Variants in PCDH10 observed in about 807,000 individuals in gnomAD.
The protein encoded by PCDH10 is protocadherin-10.
Under a neutral mutation model 74.4 loss-of-function variants are expected in PCDH10, and 15 were observed. The observed-to-expected ratio is 0.20, with a 90% CI of 0.13 to 0.31. The LOEUF (loss-of-function observed/expected upper bound fraction) is 0.31, where lower values mean the gene tolerates loss of function less well. Among genes scored for constraint, PCDH10 ranks in the 10% least tolerant of loss-of-function variants. The pLI, the probability that PCDH10 is intolerant of heterozygous loss-of-function variation, is 1.00. For synonymous variants in PCDH10, 619 were observed against 589.8 expected, an observed-to-expected ratio of 1.05 and a Z score of -0.72; for missense variants, 1,260 against 1,390.2, an observed-to-expected ratio of 0.91 and a Z score of 1.49.
intron 4 of PCDH10, among the ~76,000 whole-genome samples, chr4:133,165,223 T>A (rs1727053601): frequency 6.6e-6 from 1 of 151,152 alleles, no homozygotes; most frequent in Non-Finnish European, 1.5e-5. Context: ...GTGGAAAATT[T>A]GCAGAAGAAT....
intron 2 of PCDH10, among the ~76,000 whole-genome samples, chr4:133,205,259 G>A (rs1307870616): frequency 6.6e-6 from 1 of 152,146 alleles, no homozygotes; most frequent in Non-Finnish European, 1.5e-5. Flanking sequence ...GCATGAAAAA[G>A]ACCAAAACTC....
intron 4 of PCDH10, among the ~76,000 whole-genome samples, chr4:133,182,671 T>A (rs925557865): frequency 1.3e-5 from 2 of 152,106 alleles, no homozygotes; most frequent in Non-Finnish European, 2.9e-5. Context: ...ATTTCCTAAA[T>A]GTACACCAGC....
In PCDH10 at chr4:133,191,215, T is replaced by C. The variant is rs1286033368; in HGVS notation, c.*1055T>C. On this transcript the variant is annotated 3_prime_UTR_variant, in exon 5 of 5. Transcript: ENST00000264360. ...ACATTTTGTGGTGTAAAATATGTAA[T>C]TGAAGATTACTATTTTAAGAAGTCA... 6.6e-6 allele frequency: 1 copy of C among 152,334 alleles called. No homozygotes were observed. Among genetic ancestry groups the C allele is most frequent in the Non-Finnish European group, 1.5e-5 (1 of 67,894 alleles). 9.4% of individuals were successfully genotyped at this position (152,334 alleles called of 1,614,324 possible). A position where few individuals can be genotyped will look rare whatever the true frequency, so the allele number is the denominator to read the frequency against.
chr4:133,190,163 A>C lies in PCDH10; in HGVS notation c.*3A>C. 2 of 1,611,772 alleles carry C rather than the reference A, an allele frequency of 1.2e-6. No individual in the cohort carries two copies. The highest frequency in any genetic ancestry group is 2.2e-5 in the South Asian group (2 of 91,038). On this transcript the variant is annotated 3_prime_UTR_variant, in exon 5 of 5. Coordinates refer to ENST00000264360, the MANE Select transcript of PCDH10 (RefSeq NM_032961.3). ...CAGCACGGAAAAGGATATGCTAGTC[A>C]ATTCTACAGGACTTACCTGAAGCAG...
chr4:133,162,341 C>A (rs1726986415), intron 3 of PCDH10, among the ~76,000 whole-genome samples: 1 of 152,100 alleles, frequency 6.6e-6, no homozygotes, highest in Non-Finnish European at 1.5e-5. Flanking sequence ...TTGAGGAATA[C>A]CTTTAGGAAG....
At chr4:133,195,726 A>T (rs903944903), downstream of PCDH10, among the ~76,000 whole-genome samples, 4 of 152,118 alleles carry the variant, frequency 2.6e-5, no homozygotes, top group Non-Finnish European at 5.9e-5. Context: ...CCTAGATTAT[A>T]ACATAAAAAA....
At chr4:133,207,226 T>C (rs546303250) in intron 2 of PCDH10, among the ~76,000 whole-genome samples, 15 of 152,042 alleles carry the variant, frequency 9.9e-5, no homozygotes, top group Non-Finnish European at 1.9e-4. Flanking sequence ...TATATTATAT[T>C]ATAATATAAA....
At chr4:133,166,608 C>T (rs17020496) in intron 4 of PCDH10, among the ~76,000 whole-genome samples, 29,795 of 151,258 alleles carry the variant, frequency 0.2, 3,309 homozygotes, top group Admixed American at 0.31. Context: ...GAAAACCCTA[C>T]TAGTTAAAAC....
chr4:133,162,795 C>T (rs1052384871), intron 3 of PCDH10, among the ~76,000 whole-genome samples, 182 bp from the exon 4 acceptor site: 3 of 152,106 alleles, frequency 2.0e-5, no homozygotes, highest in African/African-American at 4.8e-5. Context: ...ATCATTTTCC[C>T]TTTTTAAAGT....
intron 4 of PCDH10, among the ~76,000 whole-genome samples, chr4:133,175,321 T>C (rs1727273398): frequency 6.6e-6 from 1 of 152,074 alleles, no homozygotes; most frequent in African/African-American, 2.4e-5. Flanking sequence ...TTTAACCAAC[T>C]GCTTTAAGCA....
At chr4:133,184,215 A>G (rs983761518) in intron 4 of PCDH10, among the ~76,000 whole-genome samples, 5 of 152,116 alleles carry the variant, frequency 3.3e-5, no homozygotes, top group Admixed American at 2.6e-4. Flanking sequence ...CCTATGTTCT[A>G]TAATCCCTTA....
chr4:133,161,316 T>C (rs1200021643), intron 3 of PCDH10, among the ~76,000 whole-genome samples: 1 of 152,158 alleles, frequency 6.6e-6, no homozygotes, highest in Non-Finnish European at 1.5e-5. Flanking sequence ...TAATATATGA[T>C]AAGAAGCTTG....
chr4:133,189,384 T>A (rs1727611004), intron 4 of PCDH10, among the ~76,000 whole-genome samples: 1 of 152,204 alleles, frequency 6.6e-6, no homozygotes, highest in Non-Finnish European at 1.5e-5. Flanking sequence ...AGGGAAGAAA[T>A]ATTATTTATC....
intron 2 of PCDH10, among the ~76,000 whole-genome samples, chr4:133,202,571 T>C (rs1007725626): frequency 3.9e-5 from 6 of 152,134 alleles, no homozygotes; most frequent in Admixed American, 3.9e-4. Context: ...TTATATTGTG[T>C]CTCTGTGGGG....
At chr4:133,154,463 A>C in intron 2 of PCDH10, 98 bp downstream of exon 2, 1 of 658,196 alleles carries the variant, frequency 1.5e-6, no homozygotes. Context: ...GAAATGTATA[A>C]AATATTTTCA....
chr4:133,190,191 T>C lies in PCDH10; in HGVS notation c.*31T>C. 2 of 1,603,362 alleles carry C rather than the reference T, an allele frequency of 1.2e-6. No homozygotes were observed. The highest frequency in any genetic ancestry group is 1.1e-5 in the South Asian group (1 of 90,856). ...TCTACAGGACTTACCTGAAGCAGCA[T>C]GATTTGCACAAAGTCGACCAACAAA... On this transcript the variant is annotated 3_prime_UTR_variant, in exon 5 of 5. Transcript: ENST00000264360.
At position 133,165,897 on chromosome 4, in the gene PCDH10, T is replaced by C. The variant is rs141882364; in HGVS notation, c.3103+2615T>C. Among the ~76,000 whole-genome samples, 926 of 151,842 alleles carry C rather than the reference T, an allele frequency of 6.1e-3. 9 individuals carry two copies. Among genetic ancestry groups the C allele is most frequent in the South Asian group, 0.018 (88 of 4,826 alleles). On this transcript the variant is annotated intron_variant, in intron 4 of 4. Coordinates refer to ENST00000264360, the MANE Select transcript of PCDH10 (RefSeq NM_032961.3). ...CAAGAAAACAACTTTTACACAAAAATAGATGGATGCAAACATTAAATAATG... is the reference window on the plus strand; with the variant it reads ...CAAGAAAACAACTTTTACACAAAAACAGATGGATGCAAACATTAAATAATG...
chr4:133,197,260 T>G (rs1727814656), downstream of PCDH10, among the ~76,000 whole-genome samples: 1 of 152,226 alleles, frequency 6.6e-6, no homozygotes, highest in Admixed American at 6.5e-5. Context: ...AAATAAATGC[T>G]TGTTGGAAAT....
At chr4:133,201,956 G>C (rs951758130) in intron 2 of PCDH10, among the ~76,000 whole-genome samples, 23 of 151,768 alleles carry the variant, frequency 1.5e-4, no homozygotes, top group African/African-American at 5.6e-4. Flanking sequence ...AGTGAAGAAG[G>C]CTTAGGGCAT....
Sources: allele counts gnomAD v4.1 joint callset (sites outside exome capture counted in the v4.1 genomes callset), GRCh38; gene constraint gnomAD v4.1.1; transcripts MANE v1.5; gene names NCBI Gene and HGNC (gene_info 2026-07-23, HGNC 2026-07-21).